The following KIF20B variants were observed in gnomAD, a reference collection of about 807,000 sequenced individuals.
The protein encoded by KIF20B is kinesin family member 20B, also known as kinesin-like protein KIF20B.
Under a neutral mutation model 232.5 loss-of-function variants are expected in KIF20B, and 188 were observed. The ratio of observed to expected loss-of-function variants is 0.81; its 90% CI spans 0.72 to 0.91. The LOEUF is 0.91. Among genes scored for constraint, KIF20B ranks in the 40% least tolerant of loss-of-function variants. The pLI is 0.00. For synonymous variants in KIF20B, 712 were observed against 683.0 expected, an observed-to-expected ratio of 1.04 and a Z score of -0.66; for missense variants, 2,154 against 2,055.9, an observed-to-expected ratio of 1.05 and a Z score of -0.92.
chr10:89,715,474 T>C (rs1283772125), intron 8 of KIF20B, among the ~76,000 whole-genome samples: 1 of 152,156 alleles, frequency 6.6e-6, no homozygotes, highest in Non-Finnish European at 1.5e-5. Flanking sequence ...TGTAACAGTG[T>C]CCAAATTTTG....
rs1168710841 is a variant in KIF20B at position 89,768,722 on chromosome 10, A to G, written c.5092-16A>G. ...CACTTCTCATCAACAATAACAAAAA[A>G]TGTTTTGTTTATTAGGTTGCCATAC... On this transcript the variant is annotated splice_polypyrimidine_tract_variant and intron_variant, in intron 30 of 32. Transcript: ENST00000371728. 2.5e-6 allele frequency: 4 copies of G among 1,569,622 alleles called. No individual in the cohort carries two copies. Among genetic ancestry groups the G allele is most frequent in the African/African-American group, 2.8e-5 (2 of 72,290 alleles).
chr10:89,744,065 A>C, intron 22 of KIF20B, 138 bp downstream of exon 22: 2 of 656,016 alleles, frequency 3.0e-6, no homozygotes, highest in Non-Finnish European at 4.8e-6. Flanking sequence ...TTTAAAATTA[A>C]ATAGGCAAAA....
intron 21 of KIF20B, 97 bp from the exon 22 acceptor site, chr10:89,743,711 T>C: frequency 1.3e-6 from 1 of 748,224 alleles, no homozygotes; most frequent in Non-Finnish European, 2.1e-6. Context: ...CTGTAAAGGA[T>C]GTGAATCTTT....
At chr10:89,705,526 C>T (rs977990017) in intron 2 of KIF20B, 85 bp downstream of exon 2, 3 of 1,218,044 alleles carry the variant, frequency 2.5e-6, no homozygotes, top group African/African-American at 3.1e-5. Flanking sequence ...TTTGTATTAC[C>T]TGTTTTTGTA....
chr10:89,735,623 C>T (rs555232716), intron 19 of KIF20B, among the ~76,000 whole-genome samples: 6 of 149,856 alleles, frequency 4.0e-5, no homozygotes, highest in East Asian at 2.0e-4. Context: ...CTGTAACCTC[C>T]GTCTCCTGGG....
chr10:89,726,222 AT>A, intron 15 of KIF20B, 70 bp from the exon 16 acceptor site: 1 of 1,373,980 alleles, frequency 7.3e-7, no homozygotes, highest in Non-Finnish European at 9.4e-7. Context: ...AACTGTCTAA[AT>A]TAGATGGTAC....
At chr10:89,740,231 G>A (rs1285729904) in intron 21 of KIF20B, among the ~76,000 whole-genome samples, 2 of 69,056 alleles carry the variant, frequency 2.9e-5, no homozygotes, top group Non-Finnish European at 5.5e-5. Context: ...TAATTGTGCT[G>A]TCTTTTTTTT....
chr10:89,711,156 A>G lies in KIF20B; in HGVS notation c.675+11A>G. 1 of 1,484,414 alleles carries G rather than the reference A, an allele frequency of 6.7e-7. No homozygotes were observed. Among genetic ancestry groups the G allele is most frequent in the South Asian group, 1.4e-5 (1 of 73,626 alleles). The allele number at this position is 1,484,414 out of a possible 1,614,324, so 92.0% of individuals were successfully genotyped here. ...CGGCAAATTAAAGAGGTATGGAAAT[A>G]TTTTAGTATGTAAAATATGTATAAT... On this transcript the variant is annotated intron_variant, in intron 6 of 32. Transcript: ENST00000371728.
intron 21 of KIF20B, among the ~76,000 whole-genome samples, chr10:89,742,451 G>A (rs1841820047): frequency 1.3e-5 from 2 of 152,176 alleles, no homozygotes; most frequent in Admixed American, 1.3e-4. Flanking sequence ...AAGTGCTAGA[G>A]CCAGAATGGA....
Position 89,709,383 on chromosome 10 carries a change from G to T in KIF20B, c.273G>T (p.Leu91=). 6.2e-7 allele frequency: 1 copy of T among 1,613,494 alleles called. No individual in the cohort carries two copies. Among genetic ancestry groups the T allele is most frequent in the Non-Finnish European group, 8.5e-7 (1 of 1,179,682 alleles). Residue 91 remains leucine (L), a synonymous_variant, in exon 4 of 33, where the codon CTG becomes CTT. Transcript: ENST00000371728. ...TTCTGGATTCACAGACTGTTGTGCT[G>T]AAAGAGCCTCAATGCATCCTTGGTC... ...VHILDSQTVV[L]KEPQCILGRL...
chr10:89,707,461 C>T (rs1450716472), intron 2 of KIF20B, among the ~76,000 whole-genome samples: 1 of 151,934 alleles, frequency 6.6e-6, no homozygotes, highest in African/African-American at 2.4e-5. Context: ...TTTCTTCCTT[C>T]CCAATTTGGA....
chr10:89,724,119 C>A lies in KIF20B; in HGVS notation c.1862+16C>A. ...CTGACTTTAAGTAAGTTATTTATTTCATGTCCAGGTAAAAATTGAGAATTT... is the reference window on the plus strand; with the variant it reads ...CTGACTTTAAGTAAGTTATTTATTTAATGTCCAGGTAAAAATTGAGAATTT... On this transcript the variant is annotated intron_variant, in intron 14 of 32. Transcript: ENST00000371728. 1.4e-6 allele frequency: 2 copies of A among 1,446,838 alleles called. No individual in the cohort carries two copies. Among genetic ancestry groups the A allele is most frequent in the South Asian group, 1.6e-5 (1 of 60,780 alleles). The allele number at this position is 1,446,838 out of a possible 1,614,324, so 89.6% of individuals were successfully genotyped here.
At chr10:89,727,527 C>T (rs9663129) in intron 16 of KIF20B, among the ~76,000 whole-genome samples, 47,484 of 152,140 alleles carry the variant, frequency 0.31, 8,389 homozygotes, top group African/African-American at 0.47. Flanking sequence ...GAAAATAACA[C>T]GTAAGTGGTG....
chr10:89,719,429 C>A lies in KIF20B; in HGVS notation c.1445C>A (p.Pro482Gln), dbSNP rs778469833. Residue 482 changes from proline to glutamine, a missense_variant, in exon 13 of 33, where the codon CCA becomes CAA. By Grantham distance (76) the Pro-to-Gln change is moderately conservative (BLOSUM62 -1). Coordinates refer to ENST00000371728, the MANE Select transcript of KIF20B (RefSeq NM_001284259.2). ...TGAATATTTTAACAGGTTTGTGTCC[C>A]AGACACTTTAAATTCCTCTCAAGAG... ...FSAIAQKVCVPDTLNSSQEKL... is the reference protein window; with the variant it reads ...FSAIAQKVCVQDTLNSSQEKL... 16 of 1,578,416 alleles carry A rather than the reference C, an allele frequency of 1.0e-5. No individual in the cohort carries two copies. In the South Asian group the frequency reaches 1.9e-4, roughly 19 times the overall value.
At position 89,725,172 on chromosome 10, in the gene KIF20B, A is replaced by G. The variant is rs1220048007; in HGVS notation, c.2001+14A>G. ...GTTGAAACTGAAGTATGTTAATTGA[A>G]GTATTTAAAAATATCCAGTGAGGTT... On this transcript the variant is annotated intron_variant, in intron 15 of 32. Coordinates refer to ENST00000371728, the MANE Select transcript of KIF20B (RefSeq NM_001284259.2). 1.2e-6 allele frequency: 2 copies of G among 1,612,898 alleles called. No homozygotes were observed. The highest frequency in any genetic ancestry group is 3.3e-5 in the Admixed American group (2 of 59,922).
rs1225438799 is a variant in KIF20B, at chr10:89,714,907, T to G, written c.713-48T>G. 12 of 1,105,312 alleles carry G rather than the reference T, an allele frequency of 1.1e-5. No homozygotes were observed. In the Admixed American group the frequency reaches 2.0e-4, roughly 19 times the overall value. 68.5% of individuals were successfully genotyped at this position (1,105,312 alleles called of 1,614,324 possible). ...ATTTGTACTTTTGTCACGTTTTTAG[T>G]CAGTTGCTTACTTTCGTGATTGTTT... On this transcript the variant is annotated intron_variant, in intron 7 of 32. Transcript: ENST00000371728.
Position 89,714,062 on chromosome 10 carries a change from GA to G in KIF20B, c.692del (p.Asp231ValfsTer10). The G allele has an allele frequency of 6.9e-7, 1 of 1,451,056 alleles. No individual in the cohort carries two copies. The highest frequency in any genetic ancestry group is 2.5e-5 in the East Asian group (1 of 40,508). 89.9% of individuals were successfully genotyped at this position (1,451,056 alleles called of 1,614,324 possible). On this transcript the variant is annotated frameshift_variant, in exon 7 of 33. Coordinates refer to ENST00000371728, the MANE Select transcript of KIF20B (RefSeq NM_001284259.2). LOFTEE classifies it high-confidence loss of function. Reference protein sequence around the residue: ...RQIKEVTVHNDSDDTLYGSLT... With the variant: ...RQIKEVTVHNXSDDTLYGSLT... ...TTTTTTTTAGGTTACTGTGCATAAT[GA>G]TAGTGATGATACTCTTTATGGTAAG...
At chr10:89,724,211 A>G in intron 14 of KIF20B, 108 bp downstream of exon 14, 7 of 1,100,368 alleles carry the variant, frequency 6.4e-6, no homozygotes, top group Non-Finnish European at 8.6e-6. Flanking sequence ...CTGAATTCTG[A>G]TCTCTTTATA....
At chr10:89,720,503 TGA>T (rs1208760340) in intron 13 of KIF20B, among the ~76,000 whole-genome samples, 1 of 152,190 alleles carries the variant, frequency 6.6e-6, no homozygotes, top group East Asian at 1.9e-4. Flanking sequence ...ATAGACCATG[TGA>T]GTATCCTTTC....
Sources: allele counts gnomAD v4.1 joint callset (sites outside exome capture counted in the v4.1 genomes callset), GRCh38; gene constraint gnomAD v4.1.1; transcripts MANE v1.5; gene names NCBI Gene and HGNC (gene_info 2026-07-23, HGNC 2026-07-21).